CRISP3: variants seen among roughly 807,000 people sequenced by gnomAD.
CRISP3 encodes cysteine rich secretory protein 3.
Under a neutral mutation model 36.1 loss-of-function variants are expected in CRISP3, and 33 were observed. The observed-to-expected ratio is 0.91, with a 90% CI of 0.69 to 1.22. CRISP3 has a LOEUF of 1.22. Ranked by LOEUF, CRISP3 falls within the 50% of genes most tolerant of loss-of-function variation. The pLI, the probability that CRISP3 is intolerant of heterozygous loss-of-function variation, is 0.00. For synonymous variants in CRISP3, 117 were observed against 104.6 expected, an observed-to-expected ratio of 1.12 and a Z score of -0.72; for missense variants, 330 against 301.2, an observed-to-expected ratio of 1.10 and a Z score of -0.71.
chr6:49,744,226 A>G, intron 1 of CRISP3, 105 bp downstream of exon 1: 1 of 773,974 alleles, frequency 1.3e-6, no homozygotes, highest in Non-Finnish European at 1.9e-6. Context: ...GGAAAATTGT[A>G]GATAAAATAT....
At chr6:49,729,078 T>A (rs548985058) in intron 7 of CRISP3, among the ~76,000 whole-genome samples, 20 of 152,258 alleles carry the variant, frequency 1.3e-4, no homozygotes, top group Admixed American at 5.9e-4. Flanking sequence ...GTTTCTAAGA[T>A]GAACTGACAT....
chr6:49,737,338 G>T lies in CRISP3; in HGVS notation c.98C>A (p.Ala33Glu), dbSNP rs759705015. The T allele has an allele frequency of 6.2e-7, 1 of 1,613,682 alleles. No individual in the cohort carries two copies. Among genetic ancestry groups the T allele is most frequent in the South Asian group, 1.1e-5 (1 of 91,048 alleles). The part of the protein sequence containing the change: ...LVAGLLPSFP[A>E]NEDKDPAFTA... ...CTTCAACCATACCTTATCTTCATTT[G>T]CTGGAAAAGATGGAAGCAGCCCAGC... The change falls in exon 2 of 8, where the codon GCA (alanine) becomes GAA (glutamate). Residue 33 changes from alanine (A) to glutamate (E), a missense_variant. Coordinates refer to ENST00000263045, the MANE Select transcript of CRISP3 (RefSeq NM_006061.4).
intron 1 of CRISP3, among the ~76,000 whole-genome samples, chr6:49,739,869 T>G (rs899451066): frequency 6.6e-6 from 1 of 152,220 alleles, no homozygotes; most frequent in African/African-American, 2.4e-5. Context: ...GCAGTAGATT[T>G]CTCTTAATTC....
chr6:49,729,948 T>C (rs918606020), intron 7 of CRISP3, among the ~76,000 whole-genome samples: 10 of 152,146 alleles, frequency 6.6e-5, no homozygotes, highest in Non-Finnish European at 1.0e-4. Flanking sequence ...TTATTACTAA[T>C]AAGATAAATT....
At chr6:49,735,475 A>T (rs772792378) in intron 4 of CRISP3, 29 bp downstream of exon 4, 2 of 1,504,228 alleles carry the variant, frequency 1.3e-6, no homozygotes, top group Non-Finnish European at 1.8e-6. Flanking sequence ...TTGTTGATTT[A>T]TTCAACAAAT....
Position 49,741,334 on chromosome 6 carries a change from G to A in CRISP3, c.37+2997C>T, listed in dbSNP as rs190493306. The stretch of plus-strand genomic sequence containing the variant: ...TGTTTTTTCCTGAAATGTAATCTGA[G>A]GAGTGGATATAATTCCGGGATTGAC... On this transcript the variant is annotated intron_variant, in intron 1 of 7. Transcript: ENST00000263045. Among the ~76,000 whole-genome samples, 454 of 152,014 alleles carry A rather than the reference G, an allele frequency of 3.0e-3. 6 individuals carry two copies. Among genetic ancestry groups the A allele is most frequent in the African/African-American group, 0.01 (427 of 41,478 alleles).
chr6:49,734,676 T>A (rs951097180), intron 4 of CRISP3, among the ~76,000 whole-genome samples: 1 of 152,136 alleles, frequency 6.6e-6, no homozygotes. Flanking sequence ...CTCGTGACCA[T>A]AGTTACCCCC....
chr6:49,733,389 C>T lies in CRISP3; in HGVS notation c.463-97G>A, dbSNP rs566742201. 1.9e-4 allele frequency: 162 copies of T among 865,972 alleles called. 1 individual carries two copies. Among genetic ancestry groups the T allele is most frequent in the Middle Eastern group, 1.2e-3 (5 of 4,104 alleles). 53.6% of individuals were successfully genotyped at this position (865,972 alleles called of 1,614,324 possible). A position where few individuals can be genotyped will look rare whatever the true frequency, so the allele number is the denominator to read the frequency against. The stretch of plus-strand genomic sequence containing the variant: ...AATACAAAATGGAGAAGAATGTTAC[C>T]GACATATTTTGTTTTCATATACCTT... On this transcript the variant is annotated intron_variant, in intron 5 of 7. Transcript: ENST00000263045.
chr6:49,739,573 G>C (rs1035511608), intron 1 of CRISP3, among the ~76,000 whole-genome samples: 2 of 152,142 alleles, frequency 1.3e-5, no homozygotes, highest in Non-Finnish European at 2.9e-5. Context: ...TAAACAACTT[G>C]AATGAGATAA....
chr6:49,728,623 A>G lies in CRISP3; in HGVS notation c.*107T>C. 2 of 887,320 alleles carry G rather than the reference A, an allele frequency of 2.3e-6. No individual in the cohort carries two copies. The highest frequency in any genetic ancestry group is 2.9e-5 in the East Asian group (1 of 34,218). 55.0% of individuals were successfully genotyped at this position (887,320 alleles called of 1,614,324 possible). On this transcript the variant is annotated 3_prime_UTR_variant, in exon 8 of 8. Coordinates refer to ENST00000263045, the MANE Select transcript of CRISP3 (RefSeq NM_006061.4). ...ATTTGAAATCAAATGTGTATCAAAC[A>G]TGCCTACAATTTCTCAGCTAGTATA... is the stretch of plus-strand genomic sequence containing the variant.
At chr6:49,732,777 C>T (rs1768946332) in intron 6 of CRISP3, among the ~76,000 whole-genome samples, 1 of 152,146 alleles carries the variant, frequency 6.6e-6, no homozygotes, top group African/African-American at 2.4e-5. Flanking sequence ...GCAGAAAGGA[C>T]TGATATTGCT....
At chr6:49,732,178 A>C (rs551730002) in intron 6 of CRISP3, among the ~76,000 whole-genome samples, 1 of 152,312 alleles carries the variant, frequency 6.6e-6, no homozygotes, top group South Asian at 2.1e-4. Context: ...TTCTCTCATT[A>C]CTAATTCCAA....
intron 1 of CRISP3, among the ~76,000 whole-genome samples, chr6:49,742,239 T>C (rs1769223940): frequency 6.6e-6 from 1 of 152,218 alleles, no homozygotes; most frequent in Admixed American, 6.5e-5. Flanking sequence ...AAATGGTACA[T>C]GTTAGCATAA....
intron 7 of CRISP3, among the ~76,000 whole-genome samples, chr6:49,730,503 C>T (rs1768889072): frequency 6.6e-6 from 1 of 152,124 alleles, no homozygotes; most frequent in African/African-American, 2.4e-5. Context: ...TCTATGGTCT[C>T]ATACTCTTAG....
At chr6:49,737,285 T>C (rs1189899515) in intron 2 of CRISP3, 40 bp downstream of exon 2, 2 of 1,552,598 alleles carry the variant, frequency 1.3e-6, no homozygotes, top group East Asian at 4.5e-5. Context: ...TCCCTCATGG[T>C]TGCCTGAATT....
intron 1 of CRISP3, among the ~76,000 whole-genome samples, chr6:49,742,237 C>T: frequency 6.6e-6 from 1 of 152,120 alleles, no homozygotes. Flanking sequence ...TTAAATGGTA[C>T]ATGTTAGCAT....
intron 1 of CRISP3, among the ~76,000 whole-genome samples, chr6:49,743,206 T>C (rs1769250956): frequency 1.3e-5 from 2 of 152,270 alleles, no homozygotes; most frequent in Admixed American, 6.5e-5. Context: ...ATTCCCTCCC[T>C]TTTACTTGAA....
intron 1 of CRISP3, 140 bp downstream of exon 1, chr6:49,744,191 T>G: frequency 5.7e-6 from 3 of 523,770 alleles, no homozygotes; most frequent in Non-Finnish European, 9.6e-6. Context: ...ATAATTACTC[T>G]CATTAAAAGT....
intron 1 of CRISP3, 24 bp from the exon 2 acceptor site, chr6:49,737,422 C>A (rs1554140896): frequency 6.2e-7 from 1 of 1,613,590 alleles, no homozygotes; most frequent in Non-Finnish European, 8.5e-7. Flanking sequence ...ACCGGTGGAA[C>A]AGGGATCTGC....
Sources: allele counts gnomAD v4.1 joint callset (sites outside exome capture counted in the v4.1 genomes callset), GRCh38; gene constraint gnomAD v4.1.1; transcripts MANE v1.5; gene names NCBI Gene and HGNC (gene_info 2026-07-23, HGNC 2026-07-21).